AGGF1: variants seen among roughly 807,000 people sequenced by gnomAD.
AGGF1 encodes angiogenic factor with G patch and FHA domains 1.
AGGF1 carries 56 observed loss-of-function variants against 86.5 expected under a neutral mutation model. The ratio of observed to expected loss-of-function variants is 0.65; its 90% CI spans 0.52 to 0.81. AGGF1 has a LOEUF of 0.81. Among genes scored for constraint, AGGF1 ranks in the 30% least tolerant of loss-of-function variants. AGGF1 has a pLI of 0.00. For synonymous variants in AGGF1, 313 were observed against 297.1 expected, an observed-to-expected ratio of 1.05 and a Z score of -0.55; for missense variants, 816 against 850.9, an observed-to-expected ratio of 0.96 and a Z score of 0.51.
chr5:77,051,162 G>T (rs55641239), intron 8 of AGGF1, among the ~76,000 whole-genome samples: 18,653 of 152,026 alleles, frequency 0.12, 1,223 homozygotes, highest in East Asian at 0.28. Flanking sequence ...GGTTGGGCGC[G>T]GTGGCTTATG....
chr5:77,055,492 A>G (rs1747442270), intron 10 of AGGF1, 22 bp from the exon 11 acceptor site: 2 of 1,531,436 alleles, frequency 1.3e-6, no homozygotes, highest in Admixed American at 3.4e-5. Flanking sequence ...GCTTTTTTTT[A>G]ACCAAACTTT....
At chr5:77,037,611 A>G (rs1301526532) in intron 4 of AGGF1, among the ~76,000 whole-genome samples, 2 of 152,084 alleles carry the variant, frequency 1.3e-5, no homozygotes, top group Admixed American at 1.3e-4. Context: ...GACTCTTTCT[A>G]TAAAAAATTT....
chr5:77,036,828 C>A (rs192293101), intron 4 of AGGF1, 108 bp downstream of exon 4: 22 of 1,243,576 alleles, frequency 1.8e-5, no homozygotes, highest in Middle Eastern at 2.7e-4. Context: ...ACTTTCACCC[C>A]CCAGGTTCAA....
intron 5 of AGGF1, among the ~76,000 whole-genome samples, chr5:77,045,411 A>G (rs1199472252): frequency 1.3e-5 from 2 of 152,224 alleles, no homozygotes; most frequent in Admixed American, 6.5e-5. Context: ...ACGTATTTCA[A>G]AACTTCATGT....
rs1747396933 is a variant in AGGF1, at chr5:77,052,789, T to C, written c.1449T>C (p.Asn483=). The change falls in exon 9 of 14, where the codon AAT becomes AAC. Residue 483 remains asparagine (N), a synonymous_variant. Coordinates refer to ENST00000312916, the MANE Select transcript of AGGF1 (RefSeq NM_018046.5). The part of the protein sequence containing the change: ...DQGSQNGTIV[N]GKQILQPKTK... ...GCAGTCAAAATGGCACAATTGTTAA[T>C]GGAAAACAGATTCTTCAGGTGAGTG... is the stretch of plus-strand genomic sequence containing the variant. 3 of 1,613,338 alleles carry C rather than the reference T, an allele frequency of 1.9e-6. No individual in the cohort carries two copies. The African/African-American group carries it at 4.0e-5, about 21-fold the overall frequency.
At chr5:77,043,082 C>T (rs1580127933) in intron 5 of AGGF1, among the ~76,000 whole-genome samples, 3 of 49,812 alleles carry the variant, frequency 6.0e-5, no homozygotes, top group Admixed American at 3.3e-4. Context: ...TAGGGGCGGC[C>T]GGGCAGAGGC....
At position 77,034,559 on chromosome 5, in the gene AGGF1, A is replaced by G. The variant is rs779519652; in HGVS notation, c.313+39A>G. ...AGTGAGGATATGCTAACACTGTTAC[A>G]TTCAAATCATGCTAATGTTGCGTTT... On this transcript the variant is annotated intron_variant, in intron 2 of 13. Transcript: ENST00000312916. 1.3e-5 allele frequency: 17 copies of G among 1,303,746 alleles called. No homozygotes were observed. The African/African-American group carries it at 2.2e-4, about 17-fold the overall frequency. 80.8% of individuals were successfully genotyped at this position (1,303,746 alleles called of 1,614,324 possible). A position where few individuals can be genotyped will look rare whatever the true frequency, so the allele number is the denominator to read the frequency against.
At chr5:77,036,489 T>G in intron 3 of AGGF1, 67 bp from the exon 4 acceptor site, 1 of 1,560,318 alleles carries the variant, frequency 6.4e-7, no homozygotes, top group Non-Finnish European at 8.8e-7. Flanking sequence ...AGGTCTTGAG[T>G]TCAGCCAACT....
At position 77,061,751 on chromosome 5, in the gene AGGF1, T is replaced by C. The variant is rs745920705; in HGVS notation, c.1893T>C (p.Gly631=). The change falls in exon 13 of 14, where the codon GGT becomes GGC. Residue 631 remains glycine (G), a synonymous_variant. Coordinates refer to ENST00000312916, the MANE Select transcript of AGGF1 (RefSeq NM_018046.5). ...GTCGGAAGATGTTGGAGAAGATGGG[T>C]TGGAAGAAAGGAGAGGGCCTGGGGA... ...NKGRKMLEKM[G]WKKGEGLGKD... The C allele has an allele frequency of 8.1e-6, 13 of 1,613,836 alleles. No individual in the cohort carries two copies. The highest frequency in any genetic ancestry group is 1.3e-5 in the African/African-American group (1 of 75,012).
intron 11 of AGGF1, among the ~76,000 whole-genome samples, chr5:77,059,125 C>A (rs1341313102): frequency 6.6e-6 from 1 of 151,972 alleles, no homozygotes; most frequent in African/African-American, 2.4e-5. Flanking sequence ...AGATTTTTTT[C>A]CCCCCAAACC....
chr5:77,043,891 C>T (rs1042248734), intron 5 of AGGF1, among the ~76,000 whole-genome samples: 6 of 144,012 alleles, frequency 4.2e-5, no homozygotes, highest in African/African-American at 1.5e-4. Flanking sequence ...ACGCTCGTCA[C>T]CTCCCAGACG....
At chr5:77,039,498 G>A (rs1348691694) in intron 4 of AGGF1, 33 bp from the exon 5 acceptor site, 2 of 1,540,452 alleles carry the variant, frequency 1.3e-6, no homozygotes, top group Admixed American at 3.5e-5. Context: ...TATCTTACAT[G>A]AATAGAATTT....
chr5:77,064,548 G>A lies in AGGF1; in HGVS notation c.*1296G>A, dbSNP rs940269106. On this transcript the variant is annotated 3_prime_UTR_variant, in exon 14 of 14. Coordinates refer to ENST00000312916, the MANE Select transcript of AGGF1 (RefSeq NM_018046.5). Reference sequence around the variant, plus strand: ...GAGAAACTATGACTAAAGATGAGAGGTATGAACGAGTTGTCAGGTTCCTAT... The same window carrying A: ...GAGAAACTATGACTAAAGATGAGAGATATGAACGAGTTGTCAGGTTCCTAT... 5 of 152,202 alleles carry A rather than the reference G, an allele frequency of 3.3e-5. 1 individual carries two copies. Among genetic ancestry groups the A allele is most frequent in the Admixed American group, 1.3e-4 (2 of 15,282 alleles). 9.4% of individuals were successfully genotyped at this position (152,202 alleles called of 1,614,324 possible). A position where few individuals can be genotyped will look rare whatever the true frequency, so the allele number is the denominator to read the frequency against.
chr5:77,043,283 A>G (rs866047319), intron 5 of AGGF1, among the ~76,000 whole-genome samples: 1 of 19,966 alleles, frequency 5.0e-5, no homozygotes, highest in African/African-American at 1.8e-4. Flanking sequence ...CTCACCTCCC[A>G]GACGGGGCGG....
At chr5:77,041,579 A>AG (rs1747082780) in intron 5 of AGGF1, among the ~76,000 whole-genome samples, 1 of 150,050 alleles carries the variant, frequency 6.7e-6, no homozygotes, top group Non-Finnish European at 1.5e-5. Context: ...AAAAAAAAAA[A>AG]AAAAAAAGAA....
chr5:77,044,264 C>T (rs933647733), intron 5 of AGGF1, among the ~76,000 whole-genome samples: 7 of 151,978 alleles, frequency 4.6e-5, no homozygotes, highest in African/African-American at 7.2e-5. Context: ...GCCGAGATCA[C>T]GCCACTGCAC....
At chr5:77,057,714 T>G (rs529307395) in intron 11 of AGGF1, among the ~76,000 whole-genome samples, 1 of 152,354 alleles carries the variant, frequency 6.6e-6, no homozygotes, top group African/African-American at 2.4e-5. Context: ...CAACTGTGTG[T>G]GCCCTACTTG....
At chr5:77,046,763 G>C (rs1009060621) in intron 6 of AGGF1, 86 bp downstream of exon 6, 15 of 1,243,832 alleles carry the variant, frequency 1.2e-5, no homozygotes, top group Non-Finnish European at 1.8e-5. Context: ...GTGAGTTGTA[G>C]TATATCTGCC....
At chr5:77,043,566 G>A (rs1404646868) in intron 5 of AGGF1, among the ~76,000 whole-genome samples, 16 of 140,830 alleles carry the variant, frequency 1.1e-4, no homozygotes, top group Non-Finnish European at 2.2e-4. Flanking sequence ...CGGACGGCAC[G>A]GCTGGCCAGG....
Sources: allele counts gnomAD v4.1 joint callset (sites outside exome capture counted in the v4.1 genomes callset), GRCh38; gene constraint gnomAD v4.1.1; transcripts MANE v1.5; gene names NCBI Gene and HGNC (gene_info 2026-07-23, HGNC 2026-07-21).